ZNF302: variants seen among roughly 807,000 people sequenced by gnomAD.
The protein encoded by ZNF302 is zinc finger protein 302.
In ZNF302, 12 loss-of-function variants were observed where a neutral mutation model predicts 10.8. The ratio of observed to expected loss-of-function variants is 1.11; its 90% confidence interval spans 0.71 to 1.79. ZNF302 has a LOEUF of 1.79. ZNF302 is among the 40% of genes most tolerant of loss of function. The pLI is 0.00. For missense variants in ZNF302, 461 were observed against 471.1 expected (o/e 0.98, Z 0.20); for synonymous variants, 178 against 157.5 (o/e 1.13, Z -0.98).
In ZNF302 at chr19:34,684,539, A is replaced by C; in HGVS notation, c.502A>C (p.Asn168His). Residue 168 changes from asparagine to histidine, a missense_variant, in exon 5 of 5, where the codon AAT (asparagine) becomes CAT (histidine). Coordinates refer to ENST00000505242, the MANE Select transcript of ZNF302 (RefSeq NM_001289187.2). ...KKSVIKSERINGGKKLLNSNK... is the reference protein window; with the variant it reads ...KKSVIKSERIHGGKKLLNSNK... The stretch of plus-strand genomic sequence containing the variant: ...GTCAGTTATAAAAAGTGAGAGAATA[A>C]ATGGTGGAAAGAAACTTTTAAATTC... 6.2e-7 allele frequency: 1 copy of C among 1,613,534 alleles called. No homozygotes were observed. Among genetic ancestry groups the C allele is most frequent in the Non-Finnish European group, 8.5e-7 (1 of 1,179,628 alleles).
intron 4 of ZNF302, chr19:34,684,047 T>C: frequency 6.6e-7 from 1 of 1,515,186 alleles, no homozygotes; most frequent in South Asian, 1.3e-5. Flanking sequence ...TTGGATTCTC[T>C]GCTCTATTTG....
chr19:34,685,193 CA>C lies in ZNF302; in HGVS notation c.1158del (p.Gln386HisfsTer27). The C allele has an allele frequency of 6.2e-7, 1 of 1,605,658 alleles. No homozygotes were observed. The highest frequency in any genetic ancestry group is 8.5e-7 in the Non-Finnish European group (1 of 1,176,696). On this transcript the variant is annotated frameshift_variant, in exon 5 of 5. Coordinates refer to ENST00000505242, the MANE Select transcript of ZNF302 (RefSeq NM_001289187.2). LOFTEE classifies it high-confidence loss of function. ...CTTTAGTAGCTTCTCATTTCTTGTT[CA>C]ACATCAGAGTATTCATACTGAAGAA... ...KVFSSFSFLV[Q>X]HQSIHTEEKP...
chr19:34,685,187 CTTG>C lies in ZNF302; in HGVS notation c.1153_1155del (p.Val385del). ...CAAGGTCTTTAGTAGCTTCTCATTT[CTTG>C]TTCAACATCAGAGTATTCATACTGA... On this transcript the variant is annotated inframe_deletion, in exon 5 of 5. Coordinates refer to ENST00000505242, the MANE Select transcript of ZNF302 (RefSeq NM_001289187.2). The C allele has an allele frequency of 1.9e-6, 3 of 1,605,456 alleles. No homozygotes were observed. The highest frequency in any genetic ancestry group is 2.5e-6 in the Non-Finnish European group (3 of 1,176,758).
At chr19:34,680,010 A>ACTTACTAAGC in intron 2 of ZNF302, 1 of 691,674 alleles carries the variant, frequency 1.4e-6, no homozygotes, top group South Asian at 1.5e-5. Context: ...TGGAATAATT[A>ACTTACTAAGC]AGATAATTAG....
rs2068622563 is a variant in ZNF302, at chr19:34,685,637, G to A, written c.*400G>A. The A allele has an allele frequency of 1.0e-6, 1 of 968,340 alleles. No homozygotes were observed. Among genetic ancestry groups the A allele is most frequent in the Admixed American group, 2.0e-5 (1 of 48,968 alleles). The allele number at this position is 968,340 out of a possible 1,614,324, so 60.0% of individuals were successfully genotyped here. A position where few individuals can be genotyped will look rare whatever the true frequency, so the allele number is the denominator to read the frequency against. On this transcript the variant is annotated 3_prime_UTR_variant, in exon 5 of 5. Transcript: ENST00000505242. ...ATGTGAGAAATCTTACAGAAGAGAA[G>A]CAGTGTTTATCACGGTAAACTTCAT...
intron 1 of ZNF302, among the ~76,000 whole-genome samples, chr19:34,678,455 G>C (rs916072687): frequency 2.8e-4 from 41 of 145,392 alleles, no homozygotes; most frequent in African/African-American, 1.0e-3. Context: ...AAAAAATCTG[G>C]AATAATATGA....
In ZNF302 at chr19:34,684,297, A is replaced by G; in HGVS notation, c.260A>G (p.Asp87Gly). ...WENKELSTKK[D>G]IYDEDSPQPV... ...AACAAGGAATTATCAACAAAGAAGGATATTTATGATGAAGATTCACCCCAA... is the reference window on the plus strand; with the variant it reads ...AACAAGGAATTATCAACAAAGAAGGGTATTTATGATGAAGATTCACCCCAA... The change falls in exon 5 of 5, where the codon GAT (aspartate) becomes GGT (glycine). Residue 87 changes from aspartate (D) to glycine (G), a missense_variant. Physicochemically the swap from Asp to Gly is moderately conservative, Grantham distance 94. Transcript: ENST00000505242. 2 of 1,577,146 alleles carry G rather than the reference A, an allele frequency of 1.3e-6. No homozygotes were observed. Among genetic ancestry groups the G allele is most frequent in the South Asian group, 2.4e-5 (2 of 83,034 alleles).
At chr19:34,676,238 A>C (rs2067941947), upstream of ZNF302, 1 of 152,252 alleles carries the variant, frequency 6.6e-6, no homozygotes, top group South Asian at 2.1e-4. Context: ...TCCTTCAGCT[A>C]TACAGAAAAG....
Position 34,685,949 on chromosome 19 carries a change from T to C in ZNF302, c.*712T>C, listed in dbSNP as rs938890062. Reference sequence around the variant, plus strand: ...GCAAACTCCTACAGGAGAAAAGTTGTATGAATGTGGAAACTTTAGAAATTG... The same window carrying C: ...GCAAACTCCTACAGGAGAAAAGTTGCATGAATGTGGAAACTTTAGAAATTG... On this transcript the variant is annotated 3_prime_UTR_variant, in exon 5 of 5. Transcript: ENST00000505242. The C allele has an allele frequency of 1.2e-5, 2 of 161,990 alleles. No individual in the cohort carries two copies. Among genetic ancestry groups the C allele is most frequent in the African/African-American group, 2.4e-5 (1 of 41,776 alleles). 10.0% of individuals were successfully genotyped at this position (161,990 alleles called of 1,614,324 possible). A position where few individuals can be genotyped will look rare whatever the true frequency, so the allele number is the denominator to read the frequency against.
chr19:34,684,486 A>T lies in ZNF302; in HGVS notation c.449A>T (p.Asp150Val). Residue 150 changes from aspartate to valine, a missense_variant, in exon 5 of 5, where the codon GAT becomes GTT. Transcript: ENST00000505242. ...GCTGAAGGGAATTCACACAAATATG[A>T]TATATTAAAGAAGAATTTATCAAAA... The part of the protein sequence containing the change: ...NSAEGNSHKY[D>V]ILKKNLSKKS... 3 of 1,612,728 alleles carry T rather than the reference A, an allele frequency of 1.9e-6. No homozygotes were observed. The highest frequency in any genetic ancestry group is 2.5e-6 in the Non-Finnish European group (3 of 1,179,204).
Position 34,685,514 on chromosome 19 carries a change from G to A in ZNF302, c.*277G>A. Reference sequence around the variant, plus strand: ...TGAGTGTGGGAAAGCTTTTAGCAAAGGCTCGAATCTTACTGCCCATCAAAG... The same window carrying A: ...TGAGTGTGGGAAAGCTTTTAGCAAAAGCTCGAATCTTACTGCCCATCAAAG... On this transcript the variant is annotated 3_prime_UTR_variant, in exon 5 of 5. Coordinates refer to ENST00000505242, the MANE Select transcript of ZNF302 (RefSeq NM_001289187.2). The A allele has an allele frequency of 6.4e-7, 1 of 1,568,526 alleles. No individual in the cohort carries two copies. Among genetic ancestry groups the A allele is most frequent in the Non-Finnish European group, 8.8e-7 (1 of 1,139,716 alleles).
upstream of ZNF302, chr19:34,677,658 C>T (rs776328591): frequency 6.9e-4 from 106 of 152,602 alleles, 1 homozygote; most frequent in Non-Finnish European, 1.3e-3. Context: ...AAATGTGGTT[C>T]GCCGTGGGCG....
At chr19:34,682,652 C>T (rs575061382) in intron 2 of ZNF302, 125 bp from the exon 3 acceptor site, 3 of 1,416,536 alleles carry the variant, frequency 2.1e-6, no homozygotes. Context: ...ACATCACATT[C>T]CCAGTCATTG....
In ZNF302 at chr19:34,685,165, G is replaced by A. The variant is rs369940362; in HGVS notation, c.1128G>A (p.Lys376=). ...KKKYECNKCL[K]VFSSFSFLVQ... ...AATATGAATGCAACAAATGTCTCAAGGTCTTTAGTAGCTTCTCATTTCTTG... is the reference window on the plus strand; with the variant it reads ...AATATGAATGCAACAAATGTCTCAAAGTCTTTAGTAGCTTCTCATTTCTTG... Residue 376 remains lysine (K), a synonymous_variant, in exon 5 of 5, where the codon AAG becomes AAA. Coordinates refer to ENST00000505242, the MANE Select transcript of ZNF302 (RefSeq NM_001289187.2). 2 of 1,607,454 alleles carry A rather than the reference G, an allele frequency of 1.2e-6. No individual in the cohort carries two copies. Among genetic ancestry groups the A allele is most frequent in the East Asian group, 2.2e-5 (1 of 44,844 alleles).
intron 2 of ZNF302, among the ~76,000 whole-genome samples, chr19:34,680,114 C>T (rs1456600286): frequency 6.6e-6 from 1 of 152,104 alleles, no homozygotes; most frequent in African/African-American, 2.4e-5. Flanking sequence ...CTGGTGTAAG[C>T]CTGTAGTGAG....
At position 34,684,588 on chromosome 19, in the gene ZNF302, A is replaced by G. The variant is rs1264179200; in HGVS notation, c.551A>G (p.Asn184Ser). ...TCTAATAAAAGTGGGGCAGCCTTCA[A>G]CCAGAGCAAATCTCTTACCCTTCCC... ...LNSNKSGAAF[N>S]QSKSLTLPQT... Residue 184 changes from asparagine (N) to serine (S), a missense_variant, in exon 5 of 5, where the codon AAC (asparagine) becomes AGC (serine). By Grantham distance (46) the Asn-to-Ser change is conservative. Transcript: ENST00000505242. 4 of 1,614,084 alleles carry G rather than the reference A, an allele frequency of 2.5e-6. No individual in the cohort carries two copies. The highest frequency in any genetic ancestry group is 3.3e-5 in the Admixed American group (2 of 60,026).
chr19:34,684,232 G>C lies in ZNF302; in HGVS notation c.215-20G>C. On this transcript the variant is annotated intron_variant, in intron 4 of 4. Transcript: ENST00000505242. ...AAAAAAAAAAAAAAGGCAGTGCTTT[G>C]CTTTCTTGATATATTTCAGATTGGG... 2 of 910,204 alleles carry C rather than the reference G, an allele frequency of 2.2e-6. No homozygotes were observed. Among genetic ancestry groups the C allele is most frequent in the Non-Finnish European group, 3.1e-6 (2 of 643,930 alleles). The allele number at this position is 910,204 out of a possible 1,614,324, so 56.4% of individuals were successfully genotyped here.
rs755485901 is a variant in ZNF302 at position 34,682,924 on chromosome 19, A to G, written c.130+27A>G. ...TAAGGATATCACCCCTTCCACTCCA[A>G]TAGGGGACACCTTTCTTTTGCCACC... On this transcript the variant is annotated intron_variant, in intron 3 of 4. Coordinates refer to ENST00000505242, the MANE Select transcript of ZNF302 (RefSeq NM_001289187.2). 36 of 1,608,398 alleles carry G rather than the reference A, an allele frequency of 2.2e-5. No individual in the cohort carries two copies. The highest frequency in any genetic ancestry group is 1.3e-4 in the East Asian group (6 of 44,856).
Position 34,685,359 on chromosome 19 carries a change from T to A in ZNF302, c.*122T>A. ...GCCTTTAGTCATAGGTCGTCCCTGC[T>A]TCAACATCACAGTATTCATACTGGA... On this transcript the variant is annotated 3_prime_UTR_variant, in exon 5 of 5. Transcript: ENST00000505242. 1 of 1,613,370 alleles carries A rather than the reference T, an allele frequency of 6.2e-7. No homozygotes were observed. Among genetic ancestry groups the A allele is most frequent in the Non-Finnish European group, 8.5e-7 (1 of 1,179,362 alleles).
Sources: gnomAD v4.1 joint callset for allele counts (sites outside exome capture counted in the v4.1 genomes callset) on GRCh38, gnomAD v4.1.1 for gene constraint, MANE v1.5 for transcripts, NCBI Gene and HGNC (gene_info 2026-07-23, HGNC 2026-07-21) for gene names.